The following SMC4 variants were observed in gnomAD, a reference collection of about 807,000 sequenced individuals.
The protein encoded by SMC4 is structural maintenance of chromosomes protein 4.
SMC4 carries 87 observed loss-of-function variants against 145.6 expected under a neutral mutation model. That is an observed-to-expected ratio of 0.60 (90% confidence interval 0.50 to 0.71). SMC4 has a LOEUF of 0.71. SMC4 is among the 30% of genes least tolerant of loss of function. The pLI is 0.00. For synonymous variants in SMC4, 558 were observed against 500.7 expected, an observed-to-expected ratio of 1.11 and a Z score of -1.53; for missense variants, 1,447 against 1,537.1, an observed-to-expected ratio of 0.94 and a Z score of 0.98.
At position 160,423,349 on chromosome 3, in the gene SMC4, G is replaced by GT. The variant is rs369027493; in HGVS notation, c.2020-67dup. 4,787 of 810,000 alleles carry GT rather than the reference G, an allele frequency of 5.9e-3. 100 individuals carry two copies. The highest frequency in any genetic ancestry group is 0.02 in the African/African-American group (903 of 44,864). 50.2% of individuals were successfully genotyped at this position (810,000 alleles called of 1,614,324 possible). Reference sequence around the variant, plus strand: ...TCTTTTGTTGAATTTATTCCTATGGGTTTTTTTTTGTTTTTTTTTTTGAGT... The same window carrying GT: ...TCTTTTGTTGAATTTATTCCTATGGGTTTTTTTTTTGTTTTTTTTTTTGAGT... On this transcript the variant is annotated intron_variant, in intron 13 of 23. Transcript: ENST00000357388.
chr3:160,423,463 T>C lies in SMC4; in HGVS notation c.2058T>C (p.Thr686=). 6.2e-7 allele frequency: 1 copy of C among 1,607,410 alleles called. No homozygotes were observed. The highest frequency in any genetic ancestry group is 8.5e-7 in the Non-Finnish European group (1 of 1,175,616). Residue 686 remains threonine (T), a synonymous_variant, in exon 14 of 24, where the codon ACT becomes ACC. Coordinates refer to ENST00000357388, the MANE Select transcript of SMC4 (RefSeq NM_001002800.3). ...CGAAAAAGATGACCGAAATTCAAACTCCTGAAAATACTCCTCGTTTATTTG... is the reference window on the plus strand; with the variant it reads ...CGAAAAAGATGACCGAAATTCAAACCCCTGAAAATACTCCTCGTTTATTTG... ...VWAKKMTEIQ[T]PENTPRLFDL... is the part of the protein sequence containing the mutation.
chr3:160,424,412 T>C (rs1295360794), intron 15 of SMC4, among the ~76,000 whole-genome samples: 1 of 152,208 alleles, frequency 6.6e-6, no homozygotes, highest in South Asian at 2.1e-4. Context: ...AACACTTAGT[T>C]ACCTTTCCAT....
In SMC4 at chr3:160,426,229, G is replaced by T. The variant is rs757308696; in HGVS notation, c.2605+29G>T. ...TGTTTAGAGATAGACCTTTTTTGGG[G>T]GGAAAAAAAAAACAGGTTTTTAAAG... On this transcript the variant is annotated intron_variant, in intron 17 of 23. Coordinates refer to ENST00000357388, the MANE Select transcript of SMC4 (RefSeq NM_001002800.3). 5 of 1,540,848 alleles carry T rather than the reference G, an allele frequency of 3.2e-6. No individual in the cohort carries two copies. The Admixed American group carries it at 1.1e-4, about 34-fold the overall frequency.
chr3:160,432,291 G>A lies in SMC4; in HGVS notation c.3306G>A (p.Leu1102=), dbSNP rs779631681. The A allele has an allele frequency of 1.9e-6, 3 of 1,596,570 alleles. No homozygotes were observed. The African/African-American group carries it at 4.1e-5, about 22-fold the overall frequency. ...AIAEYKKKEE[L]YLQRVAELDK... is the part of the protein sequence containing the mutation. ...TCATAATCTTTTCACAGGAAGAATT[G>A]TATTTGCAACGGGTAGCAGAATTGG... Residue 1102 remains leucine, a synonymous_variant, in exon 22 of 24, where the codon TTG becomes TTA. Coordinates refer to ENST00000357388, the MANE Select transcript of SMC4 (RefSeq NM_001002800.3).
chr3:160,429,976 A>G (rs867120365), intron 18 of SMC4, among the ~76,000 whole-genome samples: 2 of 152,154 alleles, frequency 1.3e-5, no homozygotes, highest in Middle Eastern at 3.4e-3. Context: ...CAGCCTCCCA[A>G]AGTGCTGGGA....
chr3:160,424,742 G>T (rs535418482), intron 15 of SMC4, 125 bp from the exon 16 acceptor site: 10 of 963,944 alleles, frequency 1.0e-5, no homozygotes, highest in South Asian at 1.5e-5. Context: ...CCCGGGAGGC[G>T]GAGGTTGCAG....
intron 7 of SMC4, 133 bp downstream of exon 7, chr3:160,412,586 A>G (rs1008633334): frequency 7.5e-6 from 10 of 1,335,286 alleles, no homozygotes; most frequent in South Asian, 1.6e-5. Context: ...GTGTGACTGA[A>G]TGTGTTAGCT....
chr3:160,421,157 C>T (rs2108485882), intron 13 of SMC4, among the ~76,000 whole-genome samples: 1 of 152,000 alleles, frequency 6.6e-6, no homozygotes, highest in Middle Eastern at 3.4e-3. Context: ...TCTGGATCTC[C>T]TGACCTTGTG....
At chr3:160,402,222 T>G (rs1714766730) in intron 3 of SMC4, 129 bp downstream of exon 3, 1 of 558,392 alleles carries the variant, frequency 1.8e-6, no homozygotes, top group Non-Finnish European at 3.0e-6. Context: ...CTGATAGTCT[T>G]TCTGTCTCTC....
At chr3:160,421,824 T>A (rs1717212452) in intron 13 of SMC4, among the ~76,000 whole-genome samples, 1 of 152,158 alleles carries the variant, frequency 6.6e-6, no homozygotes, top group Admixed American at 6.5e-5. Context: ...ATGACCACTA[T>A]CTAATTCCAA....
chr3:160,413,354 T>C, intron 7 of SMC4, 119 bp from the exon 8 acceptor site: 1 of 964,890 alleles, frequency 1.0e-6, no homozygotes, highest in South Asian at 1.6e-5. Flanking sequence ...GCCTAGGCAG[T>C]CATATATTGA....
At position 160,401,976 on chromosome 3, in the gene SMC4, TC is replaced by T; in HGVS notation, c.206del (p.Pro69ArgfsTer5). 1.2e-6 allele frequency: 2 copies of T among 1,606,196 alleles called. No individual in the cohort carries two copies. Among genetic ancestry groups the T allele is most frequent in the Non-Finnish European group, 1.7e-6 (2 of 1,176,668 alleles). On this transcript the variant is annotated frameshift_variant, in exon 3 of 24. Coordinates refer to ENST00000357388, the MANE Select transcript of SMC4 (RefSeq NM_001002800.3). LOFTEE classifies it high-confidence loss of function. Reference protein sequence around the residue: ...LEEILNSIPPPPPPAMTNEAG... With the variant: ...LEEILNSIPPXPPPAMTNEAG... ...AAGAGATTTTGAACAGCATTCCTCC[TC>T]CCCCGCCTCCAGCAATGACCAATGA...
At chr3:160,429,322 C>T (rs1290198341) in intron 18 of SMC4, among the ~76,000 whole-genome samples, 1 of 152,030 alleles carries the variant, frequency 6.6e-6, no homozygotes, top group Non-Finnish European at 1.5e-5. Flanking sequence ...AAAATTAATT[C>T]TCTTGGTAAC....
chr3:160,423,437 G>C lies in SMC4; in HGVS notation c.2032G>C (p.Ala678Pro), dbSNP rs1186824274. ...FIGLDKMAVW[A>P]KKMTEIQTPE... ...TGTTTACTTTTAGATGGCTGTATGG[G>C]CGAAAAAGATGACCGAAATTCAAAC... Residue 678 changes from alanine (A) to proline (P), a missense_variant, in exon 14 of 24, where the codon GCG (alanine) becomes CCG (proline). Coordinates refer to ENST00000357388, the MANE Select transcript of SMC4 (RefSeq NM_001002800.3). 1 of 1,597,022 alleles carries C rather than the reference G, an allele frequency of 6.3e-7. No homozygotes were observed. The highest frequency in any genetic ancestry group is 1.7e-5 in the Admixed American group (1 of 59,500).
intron 17 of SMC4, among the ~76,000 whole-genome samples, chr3:160,427,457 C>A (rs565329691): frequency 1.3e-5 from 2 of 152,306 alleles, no homozygotes; most frequent in East Asian, 3.9e-4. Context: ...TGCAAGCACC[C>A]ACAACAATGG....
intron 18 of SMC4, among the ~76,000 whole-genome samples, chr3:160,429,609 A>G (rs180815904): frequency 5.3e-4 from 80 of 152,168 alleles, no homozygotes; most frequent in African/African-American, 1.9e-3. Context: ...GGCCTCCCAA[A>G]AGACTGAGAT....
chr3:160,400,931 G>C lies in SMC4; in HGVS notation c.105G>C (p.Pro35=). ...GCAGCGACGCGGAGCCTGAGCCGCC[G>C]TCCGGCCGCACGGAGAGCCCAGCCA... ...GASSDAEPEP[P]SGRTESPATA... is the part of the protein sequence containing the mutation. Residue 35 remains proline (P), a synonymous_variant, in exon 2 of 24, where the codon CCG becomes CCC. Transcript: ENST00000357388. 1.4e-6 allele frequency: 2 copies of C among 1,469,826 alleles called. No individual in the cohort carries two copies. Among genetic ancestry groups the C allele is most frequent in the Non-Finnish European group, 1.8e-6 (2 of 1,120,676 alleles). The allele number at this position is 1,469,826 out of a possible 1,614,324, so 91.0% of individuals were successfully genotyped here. A position where few individuals can be genotyped will look rare whatever the true frequency, so the allele number is the denominator to read the frequency against.
intron 7 of SMC4, 26 bp from the exon 8 acceptor site, chr3:160,413,447 T>G (rs777067219): frequency 3.5e-5 from 54 of 1,561,342 alleles, no homozygotes; most frequent in Non-Finnish European, 4.2e-5. Context: ...AGCTTCAATT[T>G]CTTTTTTTTT....
intron 17 of SMC4, among the ~76,000 whole-genome samples, chr3:160,426,771 T>C (rs895009336): frequency 6.6e-6 from 1 of 152,218 alleles, no homozygotes; most frequent in Non-Finnish European, 1.5e-5. Flanking sequence ...TGTGCTTGTC[T>C]TTCCATGTTG....
Sources: gnomAD v4.1 joint callset for allele counts (sites outside exome capture counted in the v4.1 genomes callset) on GRCh38, gnomAD v4.1.1 for gene constraint, MANE v1.5 for transcripts, NCBI Gene and HGNC (gene_info 2026-07-23, HGNC 2026-07-21) for gene names.